LAMA5: variants seen among roughly 807,000 people sequenced by gnomAD.
The protein encoded by LAMA5 is laminin subunit alpha 5.
A neutral mutation model predicts 433.4 loss-of-function variants in LAMA5; 260 were observed. The observed-to-expected ratio is 0.60, with a 90% CI of 0.54 to 0.66. The LOEUF (loss-of-function observed/expected upper bound fraction) is 0.66, where lower values mean the gene tolerates loss of function less well. Among genes scored for constraint, LAMA5 ranks in the 30% least tolerant of loss-of-function variants. The probability of loss-of-function intolerance (pLI) is 0.00; values close to 1 mark genes in which losing one functional copy is unlikely to be tolerated. For missense variants in LAMA5, 5,378 were observed against 5,258.5 expected (o/e 1.02, Z -0.70); for synonymous variants, 2,620 against 2,226.6 (o/e 1.18, Z -4.97).
chr20:62,312,320 C>T lies in LAMA5; in HGVS notation c.9361-4G>A, dbSNP rs764823377. The T allele has an allele frequency of 5.7e-5, 91 of 1,608,056 alleles. No individual in the cohort carries two copies. Among genetic ancestry groups the T allele is most frequent in the African/African-American group, 1.9e-4 (14 of 74,888 alleles). On this transcript the variant is annotated splice_polypyrimidine_tract_variant and splice_region_variant and intron_variant, in intron 68 of 79. Transcript: ENST00000252999. The stretch of plus-strand genomic sequence containing the variant: ...GGAAAGTCATGGCGCGCCCCACCTG[C>T]GGGGAGGCCATCCCTGAGTGCCCGC...
At position 62,332,570 on chromosome 20, in the gene LAMA5, G is replaced by A. The variant is rs1195775870; in HGVS notation, c.3430C>T (p.Pro1144Ser). 2 of 1,594,638 alleles carry A rather than the reference G, an allele frequency of 1.3e-6. No individual in the cohort carries two copies. The highest frequency in any genetic ancestry group is 2.7e-5 in the African/African-American group (2 of 74,472). Reference protein sequence around the residue: ...APQQGLLSLHPCLYSTLCRGT... With the variant: ...APQQGLLSLHSCLYSTLCRGT... ...GCTCCCACTCACCTGTACAGGCAGG[G>A]GTGCAGGGAGAGCAGCCCCTGCTGG... is the stretch of plus-strand genomic sequence containing the variant. The change falls in exon 27 of 80, where the codon CCC (proline) becomes TCC (serine). Residue 1144 changes from proline (P) to serine (S), a missense_variant. Pro to Ser is a moderately conservative substitution (Grantham distance 74). Coordinates refer to ENST00000252999, the MANE Select transcript of LAMA5 (RefSeq NM_005560.6).
intron 45 of LAMA5, 44 bp from the exon 46 acceptor site, chr20:62,322,802 C>T (rs755413254): frequency 2.1e-5 from 26 of 1,251,262 alleles, no homozygotes; most frequent in Middle Eastern, 2.8e-4. Context: ...CCTCTCACCC[C>T]CCCAGGGAGC....
Position 62,326,918 on chromosome 20 carries a change from G to A in LAMA5, c.5161C>T (p.Gln1721Ter). 6.2e-7 allele frequency: 1 copy of A among 1,612,344 alleles called. No homozygotes were observed. Among genetic ancestry groups the A allele is most frequent in the Non-Finnish European group, 8.5e-7 (1 of 1,179,476 alleles). ...TLRYELHSET[Q>*]RGDVFVPMES... ...ATGGGGACAAAGACATCTCCCCGCT[G>A]GGTCTCTGAGTGCAGTTCATAACGG... Residue 1721 changes from glutamine to a stop codon, truncating the protein, a stop_gained, in exon 39 of 80, where the codon CAG (glutamine) becomes TAG (stop). Coordinates refer to ENST00000252999, the MANE Select transcript of LAMA5 (RefSeq NM_005560.6). LOFTEE classifies it high-confidence loss of function.
chr20:62,311,699 G>A lies in LAMA5; in HGVS notation c.9721C>T (p.Pro3241Ser), dbSNP rs1024447697. 35 of 1,574,556 alleles carry A rather than the reference G, an allele frequency of 2.2e-5. No individual in the cohort carries two copies. Among genetic ancestry groups the A allele is most frequent in the Non-Finnish European group, 2.8e-5 (32 of 1,161,230 alleles). ...AGGCCTCCCAGGAGGAGCCTCGGGG[G>A]CCCCTCAGGCTGCGGCTGGAGCTCG... ...PPELQPQPEG[P>S]PRLLLGGLPE... Residue 3241 changes from proline (P) to serine (S), a missense_variant, in exon 71 of 80, where the codon CCC becomes TCC. Pro to Ser is a moderately conservative substitution (Grantham distance 74, BLOSUM62 -1). Transcript: ENST00000252999.
chr20:62,334,764 C>T (rs1363559680), intron 20 of LAMA5, 143 bp from the exon 21 acceptor site: 4 of 537,674 alleles, frequency 7.4e-6, no homozygotes, highest in Non-Finnish European at 1.3e-5. Context: ...AGGGCGAGGG[C>T]GAGGGCGAGG....
Position 62,359,885 on chromosome 20 carries a change from C to T in LAMA5, c.450+2515G>A, listed in dbSNP as rs1347397684. On this transcript the variant is annotated intron_variant, in intron 2 of 79. Coordinates refer to ENST00000252999, the MANE Select transcript of LAMA5 (RefSeq NM_005560.6). This position sits in a 1 kb window ranked among gnomAD's most constrained non-coding sequence, Gnocchi z 4.3. ...CGAACCGTGATGCAGCCCACCCCGCCCTCCTCAGCCTTCCAGGAGCAGGAA... is the reference window on the plus strand; with the variant it reads ...CGAACCGTGATGCAGCCCACCCCGCTCTCCTCAGCCTTCCAGGAGCAGGAA... Among the ~76,000 whole-genome samples the T allele has an allele frequency of 6.6e-6, 1 of 152,072 alleles. No homozygotes were observed. The highest frequency in any genetic ancestry group is 1.9e-4 in the East Asian group (1 of 5,158).
chr20:62,331,717 G>A (rs1190998193), intron 28 of LAMA5, among the ~76,000 whole-genome samples: 2 of 152,362 alleles, frequency 1.3e-5, no homozygotes, highest in African/African-American at 4.8e-5. Flanking sequence ...TGACACAACG[G>A]TGGGAGACGC....
intron 48 of LAMA5, 35 bp from the exon 49 acceptor site, chr20:62,320,925 T>C (rs773763409): frequency 7.5e-6 from 12 of 1,590,426 alleles, no homozygotes; most frequent in Non-Finnish European, 9.4e-6. Flanking sequence ...TCAGTGTCAT[T>C]GGGTCAGGCC....
In LAMA5 at chr20:62,318,930, C is replaced by T; in HGVS notation, c.6955G>A (p.Val2319Met). 6.2e-7 allele frequency: 1 copy of T among 1,601,122 alleles called. No homozygotes were observed. Among genetic ancestry groups the T allele is most frequent in the South Asian group, 1.1e-5 (1 of 89,824 alleles). The change falls in exon 52 of 80, where the codon GTG (valine) becomes ATG (methionine). Residue 2319 changes from valine to methionine, a missense_variant. Coordinates refer to ENST00000252999, the MANE Select transcript of LAMA5 (RefSeq NM_005560.6). ...CGCATCTCCCAGAGCAGCCGCTCCA[C>T]CTCGGCCAGTGTCCGGAGCAGCTGC... is the stretch of plus-strand genomic sequence containing the variant. ...GEQLLRTLAE[V>M]ERLLWEMRAR...
At chr20:62,365,911 G>A (rs1986672280) in intron 1 of LAMA5, among the ~76,000 whole-genome samples, 1 of 152,156 alleles carries the variant, frequency 6.6e-6, no homozygotes, top group African/African-American at 2.4e-5. Context: ...GGGGCAGGCA[G>A]AGGGGGCGGG....
intron 31 of LAMA5, among the ~76,000 whole-genome samples, 176 bp from the exon 32 acceptor site, chr20:62,330,092 C>T (rs943066019): frequency 3.9e-5 from 6 of 152,340 alleles, no homozygotes; most frequent in South Asian, 4.1e-4. Flanking sequence ...GGGGGTTGGC[C>T]GCATCATGAC....
rs777599730 is a variant in LAMA5 at position 62,315,931 on chromosome 20, G to T, written c.7867+17C>A. ...ATGGTCGGCCGGCTGCGAGAGCCGG[G>T]CCCAGGCTCCGCATACCTGTGTCCA... On this transcript the variant is annotated intron_variant, in intron 58 of 79. Transcript: ENST00000252999. 2 of 1,558,168 alleles carry T rather than the reference G, an allele frequency of 1.3e-6. No homozygotes were observed. Among genetic ancestry groups the T allele is most frequent in the South Asian group, 1.2e-5 (1 of 86,778 alleles).
Position 62,353,180 on chromosome 20 carries a change from C to G in LAMA5, c.522G>C (p.Arg174=). 1.3e-6 allele frequency: 2 copies of G among 1,583,434 alleles called. No homozygotes were observed. The highest frequency in any genetic ancestry group is 1.7e-6 in the Non-Finnish European group (2 of 1,165,416). Residue 174 remains arginine, a synonymous_variant, in exon 3 of 80, where the codon CGG becomes CGC. Transcript: ENST00000252999. ...GGTAGGTGCGGCCGAAGTCCATGGA[C>G]CGCTCCAGCACCCAGAGGTCCGGCC... ...SPRPDLWVLE[R]SMDFGRTYQP... is the part of the protein sequence containing the mutation.
At chr20:62,316,604 G>A (rs1986957739) in intron 57 of LAMA5, 67 bp downstream of exon 57, 29 of 1,254,134 alleles carry the variant, frequency 2.3e-5, no homozygotes, top group Middle Eastern at 5.0e-4. Context: ...GTGGCTGGGG[G>A]CTGAGGGTCC....
rs1981918062 is a variant in LAMA5 at position 62,337,740 on chromosome 20, A to G, written c.2027-13T>C. On this transcript the variant is annotated splice_polypyrimidine_tract_variant and intron_variant, in intron 15 of 79. Transcript: ENST00000252999. ...GAGCAGTGGCAGGCTGCAGACAAGG[A>G]TAGCTGTGGGCACGCAGTGGAGACT... The G allele has an allele frequency of 6.2e-7, 1 of 1,608,012 alleles. No individual in the cohort carries two copies. The highest frequency in any genetic ancestry group is 1.1e-5 in the South Asian group (1 of 90,578).
chr20:62,340,596 C>G lies in LAMA5; in HGVS notation c.1478-1988G>C, dbSNP rs545698312. Among the ~76,000 whole-genome samples, 702 of 151,998 alleles carry G rather than the reference C, an allele frequency of 4.6e-3. 5 individuals carry two copies. The highest frequency in any genetic ancestry group is 7.7e-3 in the Non-Finnish European group (521 of 67,986). ...AAAGTGCTGGGATTACAGGCGTGAG[C>G]CATCGCACCTGGCCACAAGTCTGCT... is the stretch of plus-strand genomic sequence containing the variant. On this transcript the variant is annotated intron_variant, in intron 11 of 79. Transcript: ENST00000252999.
In LAMA5 at chr20:62,334,240, G is replaced by A. The variant is rs754740298; in HGVS notation, c.2685C>T (p.Pro895=). The A allele has an allele frequency of 5.6e-6, 9 of 1,612,822 alleles. No individual in the cohort carries two copies. In the African/African-American group the frequency reaches 8.0e-5, roughly 14 times the overall value. The change falls in exon 22 of 80, where the codon CCC becomes CCT. Residue 895 remains proline (P), a synonymous_variant. Coordinates refer to ENST00000252999, the MANE Select transcript of LAMA5 (RefSeq NM_005560.6). ...EGHAVRFGFN[P]LEFENFSWRG... ...TCCAGCTGAAGTTCTCGAACTCGAG[G>A]GGGTTGAAGCCAAAGCGCACGGCGT...
chr20:62,330,114 A>G (rs1299800753), intron 31 of LAMA5, among the ~76,000 whole-genome samples, 198 bp from the exon 32 acceptor site: 1 of 152,222 alleles, frequency 6.6e-6, no homozygotes, highest in East Asian at 1.9e-4. Context: ...TACAGATGTC[A>G]TGCGGGACAC....
At position 62,359,008 on chromosome 20, in the gene LAMA5, C is replaced by A. The variant is rs1482443226; in HGVS notation, c.450+3392G>T. On this transcript the variant is annotated intron_variant, in intron 2 of 79. Transcript: ENST00000252999. The surrounding 1 kb of genome is among the most constrained non-coding windows in gnomAD (Gnocchi z 4.3). The stretch of plus-strand genomic sequence containing the variant: ...CCTCATGCCTAACTGCCCCCTTATA[C>A]CCTGCCAGCCCCAGTTCCCCCACAC... 1.3e-5 allele frequency among the ~76,000 whole-genome samples: 2 copies of A among 152,134 alleles called. No homozygotes were observed. The highest frequency in any genetic ancestry group is 2.4e-5 in the African/African-American group (1 of 41,418).
Sources: allele counts gnomAD v4.1 joint callset (sites outside exome capture counted in the v4.1 genomes callset), GRCh38; gene constraint gnomAD v4.1.1; non-coding constraint Gnocchi (gnomAD v3.1); transcripts MANE v1.5; gene names NCBI Gene and HGNC (gene_info 2026-07-23, HGNC 2026-07-21).